TFEC: variants seen among roughly 807,000 people sequenced by gnomAD.
TFEC encodes class E basic helix-loop-helix protein 34.
Under a neutral mutation model 41.6 loss-of-function variants are expected in TFEC, and 31 were observed. The observed-to-expected ratio is 0.74, with a 90% CI of 0.56 to 1.01. The LOEUF (loss-of-function observed/expected upper bound fraction) is 1.01, where lower values mean the gene tolerates loss of function less well. Ranked by LOEUF, TFEC falls within the 50% of genes least tolerant of loss-of-function variation. The pLI, the probability that TFEC is intolerant of heterozygous loss-of-function variation, is 0.00. For missense variants in TFEC, 402 were observed against 404.1 expected (o/e 0.99, Z 0.04); for synonymous variants, 143 against 140.6 (o/e 1.02, Z -0.12).
At chr7:116,151,184 G>T (rs896408948) in intron 1 of TFEC, among the ~76,000 whole-genome samples, 2 of 150,350 alleles carry the variant, frequency 1.3e-5, no homozygotes, top group African/African-American at 2.4e-5. Context: ...ATTCAAAATA[G>T]ATTTCTTGTA....
At chr7:116,049,491 A>T (rs1321385476) in intron 3 of TFEC, among the ~76,000 whole-genome samples, 1 of 152,202 alleles carries the variant, frequency 6.6e-6, no homozygotes, top group East Asian at 1.9e-4. Context: ...AAGTCCTTAG[A>T]GACCTACAAA....
At chr7:115,952,392 A>T (rs924789364) in intron 5 of TFEC, among the ~76,000 whole-genome samples, 1 of 151,994 alleles carries the variant, frequency 6.6e-6, no homozygotes, top group Non-Finnish European at 1.5e-5. Flanking sequence ...TAACATATGC[A>T]CATATAAAAT....
intron 6 of TFEC, among the ~76,000 whole-genome samples, chr7:115,950,454 C>A (rs1476666394): frequency 6.6e-6 from 1 of 152,106 alleles, no homozygotes; most frequent in African/African-American, 2.4e-5. Flanking sequence ...ACTTGTGTGT[C>A]TCCAAAATTC....
exon 3 of TFEC, chr7:116,110,747 T>G: frequency 6.5e-7 from 1 of 1,533,134 alleles, no homozygotes; most frequent in Non-Finnish European, 8.8e-7. Context: ...AAATTTGTGG[T>G]CTTGCTGGGA....
At chr7:115,981,689 C>T (rs1562909194) in intron 2 of TFEC, among the ~76,000 whole-genome samples, 1 of 152,142 alleles carries the variant, frequency 6.6e-6, no homozygotes, top group Non-Finnish European at 1.5e-5. Context: ...ATGATATCAG[C>T]GTTGCTATGA....
intron 1 of TFEC, among the ~76,000 whole-genome samples, chr7:115,990,263 CA>C (rs1794047836): frequency 6.6e-6 from 1 of 152,172 alleles, no homozygotes; most frequent in South Asian, 2.1e-4. Context: ...GATGAATCCA[CA>C]AAGATCGGGA....
chr7:116,136,210 T>C (rs1189681483), intron 1 of TFEC, among the ~76,000 whole-genome samples: 2 of 152,018 alleles, frequency 1.3e-5, no homozygotes, highest in African/African-American at 2.4e-5. Context: ...TAAAATGACA[T>C]TGGTAACGAA....
At chr7:116,153,180 C>A (rs1488427909) in intron 1 of TFEC, among the ~76,000 whole-genome samples, 2 of 152,166 alleles carry the variant, frequency 1.3e-5, no homozygotes, top group African/African-American at 4.8e-5. Context: ...GGACAAATAG[C>A]AATGACATCC....
intron 1 of TFEC, among the ~76,000 whole-genome samples, chr7:116,150,613 A>G (rs1798741393): frequency 6.6e-6 from 1 of 152,136 alleles, no homozygotes. Context: ...TATTAAGGAA[A>G]AACAACAGCA....
In TFEC at chr7:115,951,648, G is replaced by A. The variant is rs929451349; in HGVS notation, c.440-699C>T. 3.9e-5 allele frequency among the ~76,000 whole-genome samples: 6 copies of A among 152,052 alleles called. No individual in the cohort carries two copies. In the South Asian group the frequency reaches 6.2e-4, roughly 16 times the overall value. On this transcript the variant is annotated intron_variant, in intron 5 of 7. Coordinates refer to ENST00000265440, the MANE Select transcript of TFEC (RefSeq NM_012252.4). ...AAGATTCTAATTTTAGTGTGTCCTG[G>A]AAGTAGGGGGACAAGAGTGGGCAAG...
At chr7:116,146,593 C>T (rs1393206230) in intron 1 of TFEC, among the ~76,000 whole-genome samples, 3 of 152,126 alleles carry the variant, frequency 2.0e-5, no homozygotes, top group Non-Finnish European at 4.4e-5. Flanking sequence ...TGGTAGGATA[C>T]ACAGTTTCCT....
intron 1 of TFEC, among the ~76,000 whole-genome samples, chr7:116,019,037 G>A (rs1795298015): frequency 6.6e-6 from 1 of 152,072 alleles, no homozygotes; most frequent in Non-Finnish European, 1.5e-5. Context: ...GATGTGGAAG[G>A]GAGCAATGGG....
At chr7:116,099,415 A>G (rs1397810080) in intron 3 of TFEC, among the ~76,000 whole-genome samples, 2 of 152,124 alleles carry the variant, frequency 1.3e-5, no homozygotes, top group African/African-American at 4.8e-5. Context: ...ACCTCCCTCT[A>G]TCCACTCCAT....
intron 3 of TFEC, among the ~76,000 whole-genome samples, chr7:116,038,389 A>C (rs1333411439): frequency 6.6e-6 from 1 of 151,982 alleles, no homozygotes; most frequent in East Asian, 1.9e-4. Flanking sequence ...TTTAGAAAAC[A>C]TTCTAATTCA....
At chr7:115,943,608 C>A (rs1413166991) in intron 6 of TFEC, among the ~76,000 whole-genome samples, 1 of 149,582 alleles carries the variant, frequency 6.7e-6, no homozygotes, top group Admixed American at 6.6e-5. Flanking sequence ...AGATTCTTTC[C>A]TATTTATTTT....
At chr7:116,086,447 A>C (rs1180661892) in intron 3 of TFEC, among the ~76,000 whole-genome samples, 1 of 151,968 alleles carries the variant, frequency 6.6e-6, no homozygotes. Flanking sequence ...TTAATGTTTG[A>C]TGCATACATG....
At chr7:116,000,100 A>C (rs1422801059) in intron 1 of TFEC, among the ~76,000 whole-genome samples, 1 of 152,120 alleles carries the variant, frequency 6.6e-6, no homozygotes, top group Non-Finnish European at 1.5e-5. Flanking sequence ...ATTCAACAAC[A>C]CATTAAAAAT....
intron 1 of TFEC, among the ~76,000 whole-genome samples, chr7:116,128,947 A>G (rs1234568135): frequency 2.6e-5 from 4 of 152,200 alleles, no homozygotes; most frequent in Non-Finnish European, 4.4e-5. Flanking sequence ...AAGTGCAAAC[A>G]TATCAGTGCT....
chr7:116,014,602 A>G (rs369230708), intron 1 of TFEC, among the ~76,000 whole-genome samples: 2 of 152,264 alleles, frequency 1.3e-5, no homozygotes, highest in South Asian at 2.1e-4. Context: ...ATTTCTCTGT[A>G]GCAGGCAAAA....
Sources: allele counts gnomAD v4.1 joint callset (sites outside exome capture counted in the v4.1 genomes callset), GRCh38; gene constraint gnomAD v4.1.1; transcripts MANE v1.5; gene names NCBI Gene and HGNC (gene_info 2026-07-23, HGNC 2026-07-21).